Variants in TXNDC16 observed in about 807,000 individuals in gnomAD.
TXNDC16 encodes the protein thioredoxin domain-containing protein 16.
In TXNDC16, 74 loss-of-function variants were observed where a neutral mutation model predicts 85.6. The ratio of observed to expected loss-of-function variants is 0.86; its 90% CI spans 0.72 to 1.05. The LOEUF is 1.05. TXNDC16 is among the 50% of genes least tolerant of loss of function. The pLI is 0.00. For synonymous variants in TXNDC16, 335 were observed against 326.5 expected (o/e 1.03, Z -0.28); for missense variants, 959 against 947.0 (o/e 1.01, Z -0.17).
intron 6 of TXNDC16, among the ~76,000 whole-genome samples, chr14:52,536,056 G>T (rs568591905): frequency 6.6e-6 from 1 of 151,662 alleles, no homozygotes; most frequent in African/African-American, 2.4e-5. Flanking sequence ...AAAAAACAAA[G>T]ATGAGCTTCC....
chr14:52,512,352 G>T (rs1352777213), intron 8 of TXNDC16, among the ~76,000 whole-genome samples: 1 of 152,160 alleles, frequency 6.6e-6, no homozygotes, highest in Non-Finnish European at 1.5e-5. Context: ...ATATTTCTTT[G>T]TGCTTCAAAT....
intron 16 of TXNDC16, among the ~76,000 whole-genome samples, chr14:52,463,832 A>G (rs1412947932): frequency 1.3e-5 from 2 of 152,390 alleles, no homozygotes; most frequent in East Asian, 3.9e-4. Flanking sequence ...TAATAAATTC[A>G]TAAGATTTTT....
chr14:52,503,516 A>T (rs369799420), intron 9 of TXNDC16, among the ~76,000 whole-genome samples: 1 of 152,240 alleles, frequency 6.6e-6, no homozygotes, highest in Non-Finnish European at 1.5e-5. Context: ...GAGGGTCCTG[A>T]CTGTTAGAAG....
intron 14 of TXNDC16, among the ~76,000 whole-genome samples, chr14:52,478,066 G>T (rs2036058668): frequency 6.6e-6 from 1 of 152,116 alleles, no homozygotes; most frequent in Non-Finnish European, 1.5e-5. Flanking sequence ...TAAATAACTT[G>T]CTCCTGAATG....
intron 14 of TXNDC16, among the ~76,000 whole-genome samples, chr14:52,480,818 C>A (rs1485037761): frequency 6.6e-6 from 1 of 151,450 alleles, no homozygotes; most frequent in Non-Finnish European, 1.5e-5. Context: ...TACTGGTTAC[C>A]CAAAGGAAAA....
chr14:52,458,286 C>CGGTA (rs1220133791), intron 16 of TXNDC16, among the ~76,000 whole-genome samples: 4 of 152,116 alleles, frequency 2.6e-5, no homozygotes, highest in Admixed American at 6.5e-5. Context: ...TGGCCAGGTG[C>CGGTA]GGTAGCTCAC....
intron 6 of TXNDC16, among the ~76,000 whole-genome samples, chr14:52,529,443 G>T (rs181411932): frequency 6.7e-6 from 1 of 148,672 alleles, no homozygotes; most frequent in African/African-American, 2.5e-5. Context: ...TGCACGTTGT[G>T]CACATGTACC....
intron 20 of TXNDC16, among the ~76,000 whole-genome samples, chr14:52,433,703 G>A (rs1215364174): frequency 6.6e-6 from 1 of 152,124 alleles, no homozygotes; most frequent in Non-Finnish European, 1.5e-5. Flanking sequence ...CCTGGTAATT[G>A]GTACATCAGC....
chr14:52,467,571 C>T (rs1282780565), intron 16 of TXNDC16, among the ~76,000 whole-genome samples: 1 of 152,090 alleles, frequency 6.6e-6, no homozygotes, highest in Admixed American at 6.5e-5. Flanking sequence ...ATTAAGATGG[C>T]TATCATAAAA....
intron 14 of TXNDC16, among the ~76,000 whole-genome samples, chr14:52,481,583 T>C (rs2036151963): frequency 6.6e-6 from 1 of 152,204 alleles, no homozygotes; most frequent in Admixed American, 6.5e-5. Context: ...TAAGGCACAC[T>C]ACCTAACCAT....
intron 14 of TXNDC16, 117 bp from the exon 15 acceptor site, chr14:52,470,797 T>G (rs1354119319): frequency 2.3e-6 from 2 of 864,790 alleles, no homozygotes. Context: ...GAAACACTCC[T>G]GCTTAAACAC....
At chr14:52,470,382 A>G in intron 15 of TXNDC16, 130 bp downstream of exon 15, 2 of 1,152,796 alleles carry the variant, frequency 1.7e-6, no homozygotes, top group Non-Finnish European at 2.4e-6. Context: ...ACAGACTTTC[A>G]TAAATATTCA....
At position 52,470,498 on chromosome 14, in the gene TXNDC16, A is replaced by G. The variant is rs1460570675; in HGVS notation, c.1481+14T>C. On this transcript the variant is annotated intron_variant, in intron 15 of 20. Transcript: ENST00000281741. ...TAAACATTCAGAGATCTTATAATGA[A>G]GCTGAATACTTACAGCTGGATAAAT... 5 of 1,604,758 alleles carry G rather than the reference A, an allele frequency of 3.1e-6. No individual in the cohort carries two copies. The African/African-American group carries it at 6.7e-5, about 22-fold the overall frequency.
At chr14:52,514,788 G>T in intron 8 of TXNDC16, 92 bp downstream of exon 8, 1 of 891,360 alleles carries the variant, frequency 1.1e-6, no homozygotes, top group Non-Finnish European at 1.8e-6. Context: ...AGCCCATGCT[G>T]TGGGAGCATA....
intron 16 of TXNDC16, among the ~76,000 whole-genome samples, chr14:52,458,190 A>C (rs762737855): frequency 6.6e-6 from 1 of 152,192 alleles, no homozygotes; most frequent in Non-Finnish European, 1.5e-5. Context: ...ATTGAGCAAT[A>C]CTGTCTGTAG....
At position 52,434,423 on chromosome 14, in the gene TXNDC16, AGTAAT is replaced by A. The variant is rs1594674575; in HGVS notation, c.2195-1841_2195-1837del. Among the ~76,000 whole-genome samples the A allele has an allele frequency of 3.9e-5, 6 of 152,334 alleles. No homozygotes were observed. In the East Asian group the frequency reaches 1.2e-3, roughly 29 times the overall value. ...TAATAAATACATTATTCATCAAATC[AGTAAT>A]GATAATAAATAATACTAATTAACAT... On this transcript the variant is annotated intron_variant, in intron 20 of 20. Coordinates refer to ENST00000281741, the MANE Select transcript of TXNDC16 (RefSeq NM_020784.3).
intron 11 of TXNDC16, 134 bp from the exon 12 acceptor site, chr14:52,488,620 G>GAGGTCAGT (rs2036325981): frequency 1.7e-6 from 1 of 604,232 alleles, no homozygotes; most frequent in Non-Finnish European, 2.7e-6. Flanking sequence ...CGGATCATCT[G>GAGGTCAGT]AGGTCAGTAG....
intron 16 of TXNDC16, among the ~76,000 whole-genome samples, chr14:52,461,979 C>G (rs139248142): frequency 6.6e-6 from 1 of 152,210 alleles, no homozygotes; most frequent in African/African-American, 2.4e-5. Flanking sequence ...ACCTGTCTGA[C>G]CAGTAGATCC....
chr14:52,470,676 T>C lies in TXNDC16; in HGVS notation c.1317A>G (p.Thr439=). The change falls in exon 15 of 21, where the codon ACA becomes ACG. Residue 439 remains threonine (T), a synonymous_variant. Transcript: ENST00000281741. ...YIDVAVKLKG[T]STMLLTRINC... The stretch of plus-strand genomic sequence containing the variant: ...TTATTCTAGTAAGAAGCATAGTAGA[T>C]GTGCCTAAATAAAAGGAAAATGCAC... 1.3e-6 allele frequency: 2 copies of C among 1,595,942 alleles called. No homozygotes were observed. Among genetic ancestry groups the C allele is most frequent in the Middle Eastern group, 1.7e-4 (1 of 5,922 alleles).
Sources: allele counts gnomAD v4.1 joint callset (sites outside exome capture counted in the v4.1 genomes callset), GRCh38; gene constraint gnomAD v4.1.1; transcripts MANE v1.5; gene names NCBI Gene and HGNC (gene_info 2026-07-23, HGNC 2026-07-21).